Variants in HNRNPK observed in about 807,000 individuals in gnomAD.
The protein encoded by HNRNPK is heterogeneous nuclear ribonucleoprotein K.
In HNRNPK, 7 loss-of-function variants were observed where a neutral mutation model predicts 67.0. The observed-to-expected ratio is 0.10, with a 90% CI of 0.06 to 0.20. The LOEUF is 0.20. Among genes scored for constraint, HNRNPK ranks in the 10% least tolerant of loss-of-function variants. The pLI, the probability that HNRNPK is intolerant of heterozygous loss-of-function variation, is 1.00. For missense variants in HNRNPK, 264 were observed against 606.5 expected, an observed-to-expected ratio of 0.44 and a Z score of 5.93; for synonymous variants, 213 against 193.7, an observed-to-expected ratio of 1.10 and a Z score of -0.83.
At chr9:83,979,804 G>C (rs3793477) in intron 1 of HNRNPK, among the ~76,000 whole-genome samples, 27,695 of 151,982 alleles carry the variant, frequency 0.18, 3,176 homozygotes, top group Non-Finnish European at 0.26. Flanking sequence ...TCCGACCCCG[G>C]GCCGGGAGAC....
intron 1 of HNRNPK, among the ~76,000 whole-genome samples, chr9:83,979,231 G>A (rs1264693979): frequency 6.6e-6 from 1 of 152,184 alleles, no homozygotes; most frequent in Middle Eastern, 3.2e-3. Context: ...ACAGCAAAGA[G>A]CCAACAAGCG....
rs768677649 is a variant in HNRNPK, at chr9:83,974,015, G to A, written c.331-42C>T. On this transcript the variant is annotated intron_variant, in intron 7 of 16. Coordinates refer to ENST00000376263, the MANE Select transcript of HNRNPK (RefSeq NM_031263.4). ...AAGAGTAATAGGTTAAGTGTCTAGCGTGATCAGGCTATTGTCGCATATATT... is the reference window on the plus strand; with the variant it reads ...AAGAGTAATAGGTTAAGTGTCTAGCATGATCAGGCTATTGTCGCATATATT... 5.3e-6 allele frequency: 7 copies of A among 1,325,910 alleles called. No homozygotes were observed. The East Asian group carries it at 6.9e-5, about 13-fold the overall frequency. The allele number at this position is 1,325,910 out of a possible 1,614,324, so 82.1% of individuals were successfully genotyped here.
intron 7 of HNRNPK, 69 bp from the exon 8 acceptor site, chr9:83,974,042 G>T: frequency 1.1e-6 from 1 of 945,968 alleles, no homozygotes; most frequent in Non-Finnish European, 1.7e-6. Flanking sequence ...GCATATATTG[G>T]TAAAGCTACT....
intron 6 of HNRNPK, 102 bp downstream of exon 6, chr9:83,975,360 C>T: frequency 9.6e-7 from 1 of 1,038,438 alleles, no homozygotes; most frequent in Non-Finnish European, 1.5e-6. Flanking sequence ...AAAAACAATA[C>T]ACCGTCTAAA....
At chr9:83,972,331 A>G (rs1956886642) in intron 10 of HNRNPK, 142 bp from the exon 11 acceptor site, 2 of 640,340 alleles carry the variant, frequency 3.1e-6, no homozygotes, top group Admixed American at 7.1e-5. Context: ...AATTATGTCA[A>G]CGCTAAAAGT....
intron 1 of HNRNPK, among the ~76,000 whole-genome samples, chr9:83,979,241 G>A (rs1199048304): frequency 6.6e-6 from 1 of 152,174 alleles, no homozygotes; most frequent in Non-Finnish European, 1.5e-5. Flanking sequence ...GCCAACAAGC[G>A]AGGCACATTT....
At chr9:83,974,884 T>A (rs1026400418) in intron 6 of HNRNPK, among the ~76,000 whole-genome samples, 3 of 152,214 alleles carry the variant, frequency 2.0e-5, no homozygotes, top group Non-Finnish European at 2.9e-5. Flanking sequence ...TGAATATTTA[T>A]GTTCCCCGCC....
rs61217864 is a variant in HNRNPK at position 83,977,846 on chromosome 9, C to G, written c.59-60G>C. 12 of 1,045,742 alleles carry G rather than the reference C, an allele frequency of 1.1e-5. No homozygotes were observed. The South Asian group carries it at 1.6e-4, about 14-fold the overall frequency. 64.8% of individuals were successfully genotyped at this position (1,045,742 alleles called of 1,614,324 possible). A position where few individuals can be genotyped will look rare whatever the true frequency, so the allele number is the denominator to read the frequency against. On this transcript the variant is annotated intron_variant, in intron 3 of 16. Transcript: ENST00000376263. ...GCGAAGTCTCCAAAGTAACTCCATT[C>G]TGTTTCAAGAGACTTGTTGCTAATC...
rs1411741860 is a variant in HNRNPK, at chr9:83,968,652, A to T, written c.*755T>A. ...AAAGTAGGGGCAAGCATTTGCAAAA[A>T]CAAACAAAAAATCCCCAGCTTATTA... On this transcript the variant is annotated 3_prime_UTR_variant, in exon 17 of 17. Transcript: ENST00000376263. 6.6e-6 allele frequency: 1 copy of T among 151,510 alleles called. No individual in the cohort carries two copies. The highest frequency in any genetic ancestry group is 2.4e-5 in the African/African-American group (1 of 41,364). The allele number at this position is 151,510 out of a possible 1,614,324, so 9.4% of individuals were successfully genotyped here.
chr9:83,977,253 G>A (rs1235490810), intron 4 of HNRNPK, among the ~76,000 whole-genome samples: 1 of 152,144 alleles, frequency 6.6e-6, no homozygotes, highest in Non-Finnish European at 1.5e-5. Flanking sequence ...AGATAGTTTG[G>A]AGTACTCAAT....
chr9:83,975,340 CAG>C lies in HNRNPK; in HGVS notation c.257+120_257+121del, dbSNP rs1957029184. ...AAAAGACTTAATGGGGAAAATAAGA[CAG>C]AAACTTGAAAAACAATACACCGTCT... On this transcript the variant is annotated intron_variant, in intron 6 of 16. Transcript: ENST00000376263. The C allele has an allele frequency of 7.7e-6, 7 of 914,606 alleles. No individual in the cohort carries two copies. The East Asian group carries it at 7.9e-5, about 10-fold the overall frequency. 56.7% of individuals were successfully genotyped at this position (914,606 alleles called of 1,614,324 possible).
In HNRNPK at chr9:83,974,608, AC is replaced by A; in HGVS notation, c.258-20del. The stretch of plus-strand genomic sequence containing the variant: ...CAATATGCTGTCAAACACCACAAAT[AC>A]CAGATAGTACAAAAAAGGTGGAAAA... On this transcript the variant is annotated intron_variant, in intron 6 of 16. Transcript: ENST00000376263. 1 of 1,554,956 alleles carries A rather than the reference AC, an allele frequency of 6.4e-7. No individual in the cohort carries two copies. Among genetic ancestry groups the A allele is most frequent in the Non-Finnish European group, 8.8e-7 (1 of 1,134,808 alleles).
At chr9:83,976,279 T>C (rs1052252770) in intron 5 of HNRNPK, among the ~76,000 whole-genome samples, 8 of 152,192 alleles carry the variant, frequency 5.3e-5, no homozygotes, top group East Asian at 1.9e-4. Context: ...ACAAAGTTAT[T>C]TGCCTCATTT....
chr9:83,971,992 A>G lies in HNRNPK; in HGVS notation c.843T>C (p.Asp281=), dbSNP rs763046990. ...GTGGTCCTCGACGAGGGCTCATATC[A>G]TCATAATCTCTTCTAGATGGAGGCA... is the stretch of plus-strand genomic sequence containing the variant. ...RPMPPSRRDY[D]DMSPRRGPPP... Residue 281 remains aspartate, a synonymous_variant, in exon 11 of 17, where the codon GAT becomes GAC. Transcript: ENST00000376263. 5 of 1,613,474 alleles carry G rather than the reference A, an allele frequency of 3.1e-6. No individual in the cohort carries two copies. Among genetic ancestry groups the G allele is most frequent in the East Asian group, 4.5e-5 (2 of 44,862 alleles).
intron 10 of HNRNPK, 72 bp downstream of exon 10, chr9:83,972,772 G>T: frequency 8.4e-7 from 1 of 1,189,480 alleles, no homozygotes; most frequent in Non-Finnish European, 1.2e-6. Flanking sequence ...TAAATGCTCT[G>T]AAGCTACTTT....
chr9:83,973,498 G>T, intron 8 of HNRNPK, 99 bp from the exon 9 acceptor site: 2 of 724,450 alleles, frequency 2.8e-6, no homozygotes, highest in South Asian at 1.6e-5. Context: ...GTTGCAGTGA[G>T]CAACCTGAAT....
chr9:83,969,616 A>G (rs3750407), intron 16 of HNRNPK, 176 bp from the exon 17 acceptor site: 6,291 of 624,462 alleles, frequency 0.01, 162 homozygotes, highest in East Asian at 0.03. Context: ...AAGAAAAATG[A>G]TGAGTAGTAA....
chr9:83,979,573 G>C (rs1261586274), intron 1 of HNRNPK, among the ~76,000 whole-genome samples: 1 of 152,058 alleles, frequency 6.6e-6, no homozygotes, highest in Non-Finnish European at 1.5e-5. Context: ...ACGGGAAAAA[G>C]CGAAAGTCGA....
intron 5 of HNRNPK, 38 bp downstream of exon 5, chr9:83,976,956 GA>G: frequency 8.3e-7 from 1 of 1,207,462 alleles, no homozygotes; most frequent in Non-Finnish European, 1.2e-6. Context: ...CATATAAACT[GA>G]AGCTGCTCGT....
Sources: allele counts gnomAD v4.1 joint callset (sites outside exome capture counted in the v4.1 genomes callset), GRCh38; gene constraint gnomAD v4.1.1; transcripts MANE v1.5; gene names NCBI Gene and HGNC (gene_info 2026-07-23, HGNC 2026-07-21).